Variants in NCOA3 observed in about 807,000 individuals in gnomAD.
The protein encoded by NCOA3 is nuclear receptor coactivator 3.
In NCOA3, 51 loss-of-function variants were observed where a neutral mutation model predicts 158.8. The observed-to-expected ratio is 0.32, with a 90% CI of 0.26 to 0.41. The LOEUF (loss-of-function observed/expected upper bound fraction) is 0.41, where lower values mean the gene tolerates loss of function less well. NCOA3 is among the 10% of genes least tolerant of loss of function. The pLI is 1.00. For missense variants in NCOA3, 1,510 were observed against 1,746.6 expected, an observed-to-expected ratio of 0.86 and a Z score of 2.41; for synonymous variants, 537 against 592.4, an observed-to-expected ratio of 0.91 and a Z score of 1.36.
intron 1 of NCOA3, among the ~76,000 whole-genome samples, chr20:47,564,356 T>G (rs970595651): frequency 6.6e-6 from 1 of 152,164 alleles, no homozygotes; most frequent in African/African-American, 2.4e-5. Flanking sequence ...CTATGTAATA[T>G]ACTGTTGTTG....
chr20:47,624,155 TG>T, intron 4 of NCOA3, 72 bp downstream of exon 4: 1 of 1,373,310 alleles, frequency 7.3e-7, no homozygotes, highest in Non-Finnish European at 1.0e-6. Context: ...ACTGGTTTTG[TG>T]GAAGCCAGTT....
chr20:47,530,910 C>G (rs184858343), intron 1 of NCOA3, among the ~76,000 whole-genome samples: 12 of 152,268 alleles, frequency 7.9e-5, no homozygotes, highest in African/African-American at 2.9e-4. Flanking sequence ...TGATGTAAGT[C>G]CAGGTTTCCT....
chr20:47,518,417 T>C (rs1239360510), intron 1 of NCOA3, among the ~76,000 whole-genome samples: 1 of 131,002 alleles, frequency 7.6e-6, no homozygotes, highest in African/African-American at 3.1e-5. Flanking sequence ...ATTTTCTTTT[T>C]CTGTTTTTTT....
At position 47,656,175 on chromosome 20, in the gene NCOA3, A is replaced by ATAT. The variant is rs1555820047; in HGVS notation, c.*2760_*2762dup. 1 of 146,712 alleles carries ATAT rather than the reference A, an allele frequency of 6.8e-6. No individual in the cohort carries two copies. The highest frequency in any genetic ancestry group is 6.8e-5 in the Admixed American group (1 of 14,612). 9.1% of individuals were successfully genotyped at this position (146,712 alleles called of 1,614,324 possible). A position where few individuals can be genotyped will look rare whatever the true frequency, so the allele number is the denominator to read the frequency against. On this transcript the variant is annotated 3_prime_UTR_variant, in exon 23 of 23. Coordinates refer to ENST00000371998, the MANE Select transcript of NCOA3 (RefSeq NM_181659.3). ...CCAAAGATATATAAATAAAATATAT[A>ATAT]TATTTTATAAAGATCAGAATGATAT...
intron 18 of NCOA3, 149 bp downstream of exon 18, chr20:47,647,515 A>C: frequency 1.3e-6 from 1 of 748,282 alleles, no homozygotes; most frequent in Non-Finnish European, 2.1e-6. Flanking sequence ...ATTTGTACAA[A>C]TGGCTCCTTG....
At chr20:47,578,863 G>A (rs2085411412) in intron 1 of NCOA3, among the ~76,000 whole-genome samples, 1 of 151,914 alleles carries the variant, frequency 6.6e-6, no homozygotes, top group African/African-American at 2.4e-5. Flanking sequence ...AAGAACAATG[G>A]GTTTAATATG....
chr20:47,596,322 C>A (rs1347096424), intron 2 of NCOA3, among the ~76,000 whole-genome samples: 1 of 152,110 alleles, frequency 6.6e-6, no homozygotes, highest in East Asian at 1.9e-4. Flanking sequence ...ATTGTAAGAT[C>A]CAACCATGTT....
intron 1 of NCOA3, among the ~76,000 whole-genome samples, chr20:47,551,826 T>C (rs1303068712): frequency 1.3e-5 from 2 of 151,758 alleles, no homozygotes; most frequent in South Asian, 2.1e-4. Flanking sequence ...GATAACTTAA[T>C]ACGTATGTAT....
chr20:47,596,960 A>G (rs1424494429), intron 2 of NCOA3, among the ~76,000 whole-genome samples: 1 of 152,038 alleles, frequency 6.6e-6, no homozygotes, highest in Admixed American at 6.6e-5. Context: ...ATTTCATATC[A>G]CTTTTTATTT....
intron 12 of NCOA3, among the ~76,000 whole-genome samples, chr20:47,637,424 A>T (rs2086532530): frequency 6.6e-6 from 1 of 152,202 alleles, no homozygotes; most frequent in Non-Finnish European, 1.5e-5. Flanking sequence ...GTGTAAATTT[A>T]AAAAATGCCC....
At chr20:47,620,402 T>C (rs1311648657) in intron 2 of NCOA3, among the ~76,000 whole-genome samples, 1 of 152,242 alleles carries the variant, frequency 6.6e-6, no homozygotes, top group East Asian at 1.9e-4. Flanking sequence ...CTACTCTTTT[T>C]AAATATGAAA....
intron 8 of NCOA3, among the ~76,000 whole-genome samples, chr20:47,629,266 T>C (rs2086375109): frequency 6.6e-6 from 1 of 152,194 alleles, no homozygotes; most frequent in Non-Finnish European, 1.5e-5. Flanking sequence ...ATTTTCACAA[T>C]TAAAAGTAGC....
chr20:47,528,055 A>G (rs1269984293), intron 1 of NCOA3, among the ~76,000 whole-genome samples: 2 of 152,184 alleles, frequency 1.3e-5, no homozygotes, highest in African/African-American at 2.4e-5. Context: ...TGGTTTGCAG[A>G]TATTTTCTCC....
intron 13 of NCOA3, among the ~76,000 whole-genome samples, chr20:47,638,068 G>A (rs1356706488): frequency 1.3e-5 from 2 of 152,008 alleles, no homozygotes; most frequent in African/African-American, 4.8e-5. Flanking sequence ...AGTACTGTAG[G>A]TACTAGGGCA....
intron 2 of NCOA3, among the ~76,000 whole-genome samples, chr20:47,596,286 A>G (rs2085754775): frequency 6.6e-6 from 1 of 152,194 alleles, no homozygotes; most frequent in Admixed American, 6.5e-5. Flanking sequence ...CAAAAATATA[A>G]TGGATGTAAT....
intron 1 of NCOA3, among the ~76,000 whole-genome samples, chr20:47,539,458 T>G (rs72661193): frequency 1.3e-5 from 2 of 152,244 alleles, no homozygotes; most frequent in Admixed American, 1.3e-4. Context: ...AGACACATAG[T>G]AGGTACTCAA....
chr20:47,526,180 G>C (rs1353081420), intron 1 of NCOA3, among the ~76,000 whole-genome samples: 2 of 151,196 alleles, frequency 1.3e-5, no homozygotes, highest in Non-Finnish European at 3.0e-5. Context: ...GGGCAGAGAC[G>C]CTCCTCACTT....
At chr20:47,564,961 C>CT (rs1568686553) in intron 1 of NCOA3, among the ~76,000 whole-genome samples, 1 of 151,578 alleles carries the variant, frequency 6.6e-6, no homozygotes, top group Non-Finnish European at 1.5e-5. Context: ...GAGATGTTTT[C>CT]TTTCTGTTAC....
chr20:47,538,082 G>T lies in NCOA3; in HGVS notation c.-99+36063G>T, dbSNP rs373690844. On this transcript the variant is annotated intron_variant, in intron 1 of 22. Transcript: ENST00000371998. Reference sequence around the variant, plus strand: ...TTTAGTAGAGACAGGGTTTCACTATGTTGGCCAGGCTGGTCTTGAACTCCT... The same window carrying T: ...TTTAGTAGAGACAGGGTTTCACTATTTTGGCCAGGCTGGTCTTGAACTCCT... Among the ~76,000 whole-genome samples, 87 of 151,610 alleles carry T rather than the reference G, an allele frequency of 5.7e-4. 2 individuals are homozygous for T. The East Asian group carries it at 0.014, about 24-fold the overall frequency.
Sources: gnomAD v4.1 joint callset for allele counts (sites outside exome capture counted in the v4.1 genomes callset) on GRCh38, gnomAD v4.1.1 for gene constraint, MANE v1.5 for transcripts, NCBI Gene and HGNC (gene_info 2026-07-23, HGNC 2026-07-21) for gene names.